Variants in UBE3B observed in about 807,000 individuals in gnomAD.
UBE3B encodes ubiquitin-protein ligase E3B.
In UBE3B, 80 loss-of-function variants were observed where a neutral mutation model predicts 132.3. The ratio of observed to expected loss-of-function variants is 0.60; its 90% confidence interval spans 0.50 to 0.73. UBE3B has a LOEUF of 0.73. Ranked by LOEUF, UBE3B falls within the 30% of genes least tolerant of loss-of-function variation. UBE3B has a pLI of 0.00. For synonymous variants in UBE3B, 487 were observed against 520.4 expected (o/e 0.94, Z 0.87); for missense variants, 1,196 against 1,362.5 (o/e 0.88, Z 1.92).
chr12:109,529,863 T>C (rs1882767232), intron 24 of UBE3B, 27 bp from the exon 25 acceptor site: 1 of 1,613,080 alleles, frequency 6.2e-7, no homozygotes, highest in Admixed American at 1.7e-5. Context: ...TTAATTGTCA[T>C]TGTTATCTCT....
chr12:109,480,384 A>G (rs1160975161), intron 1 of UBE3B, among the ~76,000 whole-genome samples: 1 of 152,150 alleles, frequency 6.6e-6, no homozygotes, highest in Non-Finnish European at 1.5e-5. Flanking sequence ...GTGGTGGCTC[A>G]TACCTGTAAT....
chr12:109,499,393 G>T (rs1878663290), intron 11 of UBE3B, among the ~76,000 whole-genome samples: 1 of 152,226 alleles, frequency 6.6e-6, no homozygotes, highest in Non-Finnish European at 1.5e-5. Flanking sequence ...AAACAAGTTT[G>T]AGACATGGGT....
At chr12:109,499,851 C>CCCA in intron 12 of UBE3B, 41 bp downstream of exon 12, 1 of 1,480,260 alleles carries the variant, frequency 6.8e-7, no homozygotes, top group Non-Finnish European at 9.0e-7. Context: ...CTGCCTCTCT[C>CCCA]CCACCATCTT....
chr12:109,519,058 G>A (rs117225198), intron 19 of UBE3B, among the ~76,000 whole-genome samples: 33 of 152,276 alleles, frequency 2.2e-4, no homozygotes, highest in Non-Finnish European at 4.4e-4. Flanking sequence ...AAGTCCTGTA[G>A]GAAGGCTCTT....
chr12:109,497,711 TC>T lies in UBE3B; in HGVS notation c.714-104del, dbSNP rs1446616571. 1.9e-5 allele frequency: 22 copies of T among 1,146,046 alleles called. No homozygotes were observed. The African/African-American group carries it at 3.2e-4, about 17-fold the overall frequency. The allele number at this position is 1,146,046 out of a possible 1,614,324, so 71.0% of individuals were successfully genotyped here. ...TTTCAGCCTTCAGTTTTCTCAGAAA[TC>T]CCACGCAGAATAATTTCTAGGAATT... On this transcript the variant is annotated intron_variant, in intron 9 of 27. Transcript: ENST00000342494.
Position 109,521,673 on chromosome 12 carries a change from CAG to C in UBE3B, c.2364+123_2364+124del, listed in dbSNP as rs1426043846. On this transcript the variant is annotated intron_variant, in intron 21 of 27. Transcript: ENST00000342494. The surrounding 1 kb of genome is among the most constrained non-coding windows in gnomAD (Gnocchi z 4.2). ...ACTGTCACTAGGATACAAGCGAGGA[CAG>C]GGGCAGGAACCAAGGTTTGTTGTAC... 16 of 904,036 alleles carry C rather than the reference CAG, an allele frequency of 1.8e-5. No individual in the cohort carries two copies. Among genetic ancestry groups the C allele is most frequent in the Admixed American group, 3.1e-5 (1 of 32,470 alleles). The allele number at this position is 904,036 out of a possible 1,614,324, so 56.0% of individuals were successfully genotyped here.
chr12:109,509,389 A>G (rs34662493), intron 15 of UBE3B: 28,041 of 415,574 alleles, frequency 0.067, 1,291 homozygotes, highest in Non-Finnish European at 0.093. Flanking sequence ...CTCTACATGC[A>G]TTAGGTATTT....
chr12:109,516,500 C>T (rs1881077543), intron 18 of UBE3B, among the ~76,000 whole-genome samples: 1 of 152,108 alleles, frequency 6.6e-6, no homozygotes, highest in Non-Finnish European at 1.5e-5. Context: ...TCTCGTGGGC[C>T]ATTCCTAGCT....
intron 26 of UBE3B, among the ~76,000 whole-genome samples, chr12:109,531,807 G>C (rs914411534): frequency 4.6e-5 from 7 of 152,078 alleles, no homozygotes; most frequent in African/African-American, 1.7e-4. Flanking sequence ...TTTCTGCCAA[G>C]CTATAAAACG....
chr12:109,511,337 CTT>C (rs764200313), intron 18 of UBE3B, 34 bp downstream of exon 18: 2 of 1,593,704 alleles, frequency 1.3e-6, no homozygotes, highest in Non-Finnish European at 1.7e-6. Context: ...CCCGATGTGT[CTT>C]TCTATTCCCC....
intron 24 of UBE3B, 56 bp from the exon 25 acceptor site, chr12:109,529,834 G>A: frequency 6.3e-7 from 1 of 1,598,672 alleles, no homozygotes; most frequent in Non-Finnish European, 8.6e-7. Context: ...GCCCATTGGT[G>A]ACAGCCTGCC....
chr12:109,482,959 A>T lies in UBE3B; in HGVS notation c.-21-572A>T, dbSNP rs182873254. Among the ~76,000 whole-genome samples, 29 of 152,286 alleles carry T rather than the reference A, an allele frequency of 1.9e-4. No individual in the cohort carries two copies. The East Asian group carries it at 5.4e-3, about 28-fold the overall frequency. Reference sequence around the variant, plus strand: ...TGAAGTGTGTACCTTTTGCTTTGTTAATGTTGAAATGGCCCTTTCTTTTTT... The same window carrying T: ...TGAAGTGTGTACCTTTTGCTTTGTTTATGTTGAAATGGCCCTTTCTTTTTT... On this transcript the variant is annotated intron_variant, in intron 2 of 27. Coordinates refer to ENST00000342494, the MANE Select transcript of UBE3B (RefSeq NM_130466.4).
At chr12:109,502,136 T>G (rs1158746029) in intron 13 of UBE3B, among the ~76,000 whole-genome samples, 10 of 152,218 alleles carry the variant, frequency 6.6e-5, no homozygotes, top group Non-Finnish European at 1.5e-4. Context: ...TTAGGGCCAC[T>G]GTGGCTACCT....
At position 109,488,750 on chromosome 12, in the gene UBE3B, A is replaced by G. The variant is rs1013060059; in HGVS notation, c.544+82A>G. On this transcript the variant is annotated intron_variant, in intron 7 of 27. Transcript: ENST00000342494. ...GGACCTTTTTTCCTTTGTAAGAAGC[A>G]TTTTTGCCACAAGCCTCAGGGAAGG... 1.4e-5 allele frequency: 19 copies of G among 1,374,674 alleles called. No individual in the cohort carries two copies. In the Admixed American group the frequency reaches 3.1e-4, roughly 22 times the overall value. 85.2% of individuals were successfully genotyped at this position (1,374,674 alleles called of 1,614,324 possible). A position where few individuals can be genotyped will look rare whatever the true frequency, so the allele number is the denominator to read the frequency against.
At chr12:109,509,571 G>A (rs904043510) in intron 15 of UBE3B, 25 bp from the exon 16 acceptor site, 4 of 1,513,152 alleles carry the variant, frequency 2.6e-6, no homozygotes, top group Non-Finnish European at 3.6e-6. Context: ...GTGTGGAATT[G>A]TGGGTAATTT....
chr12:109,544,510 G>C, the UBE3B span, among the ~76,000 whole-genome samples: 1 of 152,186 alleles, frequency 6.6e-6, no homozygotes, highest in African/African-American at 2.4e-5. Context: ...CCGAGCCACT[G>C]CCACCCCACA....
In UBE3B at chr12:109,534,043, C is replaced by G; in HGVS notation, c.3015+485C>G. The G allele has an allele frequency of 7.7e-7, 1 of 1,294,832 alleles. No individual in the cohort carries two copies. Among genetic ancestry groups the G allele is most frequent in the African/African-American group, 1.5e-5 (1 of 66,188 alleles). 80.2% of individuals were successfully genotyped at this position (1,294,832 alleles called of 1,614,324 possible). A position where few individuals can be genotyped will look rare whatever the true frequency, so the allele number is the denominator to read the frequency against. ...GGAGCTCTGTGTGTCTCAAGCCTGG[C>G]CCACTGTGGGTGCTCAAATGAGAGT... On this transcript the variant is annotated intron_variant, in intron 27 of 27. Coordinates refer to ENST00000342494, the MANE Select transcript of UBE3B (RefSeq NM_130466.4). The surrounding 1 kb of genome is among the most constrained non-coding windows in gnomAD (Gnocchi z 5.2).
At chr12:109,499,374 C>T (rs1592912536) in intron 11 of UBE3B, among the ~76,000 whole-genome samples, 1 of 152,222 alleles carries the variant, frequency 6.6e-6, no homozygotes, top group African/African-American at 2.4e-5. Context: ...TCCAATCTTA[C>T]AAATGAAGAA....
At chr12:109,545,777 C>T in the UBE3B span, among the ~76,000 whole-genome samples, 1 of 152,184 alleles carries the variant, frequency 6.6e-6, no homozygotes. Flanking sequence ...AACTGACAGA[C>T]ACACCCATTT....
Sources: gnomAD v4.1 joint callset for allele counts (sites outside exome capture counted in the v4.1 genomes callset) on GRCh38, gnomAD v4.1.1 for gene constraint, Gnocchi (gnomAD v3.1) non-coding constraint, MANE v1.5 for transcripts, NCBI Gene and HGNC (gene_info 2026-07-23, HGNC 2026-07-21) for gene names.